SYT14: variants seen among roughly 807,000 people sequenced by gnomAD.
The protein encoded by SYT14 is synaptotagmin-14.
A neutral mutation model predicts 74.2 loss-of-function variants in SYT14; 32 were observed. The ratio of observed to expected loss-of-function variants is 0.43; its 90% CI spans 0.33 to 0.58. The LOEUF (loss-of-function observed/expected upper bound fraction) is 0.58, where lower values mean the gene tolerates loss of function less well. Ranked by LOEUF, SYT14 falls within the 20% of genes least tolerant of loss-of-function variation. SYT14 has a pLI of 0.05. For missense variants in SYT14, 791 were observed against 981.8 expected, an observed-to-expected ratio of 0.81 and a Z score of 2.60; for synonymous variants, 298 against 337.7, an observed-to-expected ratio of 0.88 and a Z score of 1.29.
At chr1:210,138,850 T>C (rs1413494901) in intron 7 of SYT14, among the ~76,000 whole-genome samples, 1 of 152,192 alleles carries the variant, frequency 6.6e-6, no homozygotes, top group Non-Finnish European at 1.5e-5. Flanking sequence ...CAAGACAAGG[T>C]AATTCACAAC....
At chr1:210,014,769 C>T (rs1011395264) in intron 3 of SYT14, among the ~76,000 whole-genome samples, 2 of 152,152 alleles carry the variant, frequency 1.3e-5, no homozygotes, top group Non-Finnish European at 2.9e-5. Context: ...TCCAGTTCTG[C>T]TTTTTGATCA....
chr1:210,162,435 A>G (rs760149235), exon 10 of SYT14: 10 of 382,390 alleles, frequency 2.6e-5, no homozygotes, highest in South Asian at 2.0e-4. Context: ...AGGAACTCTA[A>G]TCAGGAATAT....
At chr1:210,013,680 A>G in exon 3 of SYT14, 1 of 1,612,994 alleles carries the variant, frequency 6.2e-7, no homozygotes, top group Non-Finnish European at 8.5e-7. Flanking sequence ...GGTGTTTATT[A>G]TCTTGATGCT....
intron 2 of SYT14, among the ~76,000 whole-genome samples, chr1:209,965,212 A>T (rs1206812100): frequency 6.6e-6 from 1 of 152,186 alleles, no homozygotes; most frequent in Non-Finnish European, 1.5e-5. Flanking sequence ...CTCAATAGTT[A>T]TTCAACCCTT....
rs138605514 is a variant in SYT14 at position 209,979,105 on chromosome 1, C to A, written c.-486+26349C>A. The stretch of plus-strand genomic sequence containing the variant: ...CCAATTTTCCGGGTGCCGTCTGTCA[C>A]CCCTTTCTTTGACTAGGAAAGGGAA... On this transcript the variant is annotated intron_variant, in intron 2 of 9. Transcript: ENST00000637265. Among the ~76,000 whole-genome samples the A allele has an allele frequency of 7.5e-4, 114 of 152,304 alleles. 2 individuals are homozygous for A. The East Asian group carries it at 0.02, about 27-fold the overall frequency.
At chr1:210,091,450 A>T (rs745498556) in intron 5 of SYT14, among the ~76,000 whole-genome samples, 7 of 152,316 alleles carry the variant, frequency 4.6e-5, no homozygotes, top group East Asian at 1.9e-4. Flanking sequence ...ACACCTTGGG[A>T]TGCCGAGGCA....
At chr1:210,075,114 C>T (rs990367639) in intron 5 of SYT14, among the ~76,000 whole-genome samples, 1 of 152,188 alleles carries the variant, frequency 6.6e-6, no homozygotes, top group Admixed American at 6.5e-5. Flanking sequence ...GGCCCGGGCT[C>T]TCCTCTGACT....
chr1:210,134,910 A>G (rs1295283584), intron 7 of SYT14, among the ~76,000 whole-genome samples: 1 of 152,078 alleles, frequency 6.6e-6, no homozygotes, highest in Non-Finnish European at 1.5e-5. Flanking sequence ...ATACATATAT[A>G]TGAGACCCTT....
At chr1:209,938,734 G>T (rs2078679054) in intron 1 of SYT14, among the ~76,000 whole-genome samples, 1 of 152,070 alleles carries the variant, frequency 6.6e-6, no homozygotes, top group Admixed American at 6.5e-5. Context: ...CTGCCAAACT[G>T]AGAGTCCAGT....
chr1:210,032,952 CTG>C (rs753518370), intron 5 of SYT14, among the ~76,000 whole-genome samples: 1 of 151,276 alleles, frequency 6.6e-6, no homozygotes, highest in Non-Finnish European at 1.5e-5. Flanking sequence ...TGCCTTAAAA[CTG>C]AGTTTTAATA....
chr1:210,071,519 A>G (rs2081394416), intron 5 of SYT14, among the ~76,000 whole-genome samples: 1 of 151,996 alleles, frequency 6.6e-6, no homozygotes. Context: ...AAAAAGCAGA[A>G]TTGTATCTCT....
chr1:210,165,021 A>G (rs1273089720), exon 10 of SYT14: 4 of 152,168 alleles, frequency 2.6e-5, no homozygotes, highest in African/African-American at 2.4e-5. Flanking sequence ...ATCTAGCACA[A>G]TAATTTATTA....
chr1:210,001,976 T>C (rs1180243928), intron 2 of SYT14, among the ~76,000 whole-genome samples: 1 of 152,104 alleles, frequency 6.6e-6, no homozygotes, highest in African/African-American at 2.4e-5. Context: ...CAGAGGACAG[T>C]CAGTTCTGAT....
intron 2 of SYT14, among the ~76,000 whole-genome samples, chr1:209,970,929 C>T (rs2079244152): frequency 6.6e-6 from 1 of 151,920 alleles, no homozygotes; most frequent in South Asian, 2.1e-4. Context: ...ATCCACCTGC[C>T]TTGGCCTCCC....
intron 2 of SYT14, among the ~76,000 whole-genome samples, chr1:209,968,359 A>T (rs1272585212): frequency 6.6e-6 from 1 of 152,124 alleles, no homozygotes; most frequent in Admixed American, 6.6e-5. Context: ...TTATAGTATC[A>T]TATGGAGTAG....
chr1:210,008,883 G>A (rs2080036826), intron 2 of SYT14, among the ~76,000 whole-genome samples: 2 of 152,140 alleles, frequency 1.3e-5, no homozygotes, highest in South Asian at 4.1e-4. Context: ...TTTTTTATTA[G>A]GGAGGTATGA....
intron 7 of SYT14, among the ~76,000 whole-genome samples, chr1:210,114,530 T>C (rs1412788801): frequency 2.6e-5 from 4 of 151,258 alleles, no homozygotes; most frequent in African/African-American, 9.9e-5. Flanking sequence ...ATATTGAGAA[T>C]AAGATGGCCT....
intron 2 of SYT14, among the ~76,000 whole-genome samples, chr1:210,011,606 A>G (rs1236995192): frequency 6.6e-6 from 1 of 152,192 alleles, no homozygotes. Flanking sequence ...ATTCAATTCT[A>G]TACCTGGTAT....
intron 2 of SYT14, among the ~76,000 whole-genome samples, chr1:209,967,867 C>G (rs2079179636): frequency 6.6e-6 from 1 of 151,936 alleles, no homozygotes; most frequent in African/African-American, 2.4e-5. Flanking sequence ...ATTAGCTCTT[C>G]TTTTTCTGGT....
Sources: allele counts gnomAD v4.1 joint callset (sites outside exome capture counted in the v4.1 genomes callset), GRCh38; gene constraint gnomAD v4.1.1; transcripts MANE v1.5; gene names NCBI Gene and HGNC (gene_info 2026-07-23, HGNC 2026-07-21).